The following ARHGEF26 variants were observed in gnomAD, a reference collection of about 807,000 sequenced individuals.
ARHGEF26 encodes Rho guanine nucleotide exchange factor (GEF) 26.
Under a neutral mutation model 89.4 loss-of-function variants are expected in ARHGEF26, and 59 were observed. The observed-to-expected ratio is 0.66, with a 90% CI of 0.54 to 0.82. ARHGEF26 has a LOEUF of 0.82. ARHGEF26 is among the 40% of genes least tolerant of loss of function. The pLI is 0.00. For missense variants in ARHGEF26, 1,234 were observed against 1,085.6 expected (o/e 1.14, Z -1.92); for synonymous variants, 500 against 428.4 (o/e 1.17, Z -2.06).
rs772560852 is a variant in ARHGEF26, at chr3:154,124,409, GAAA to G, written c.1088_1090del (p.Lys363del). 50 of 1,089,534 alleles carry G rather than the reference GAAA, an allele frequency of 4.6e-5. No homozygotes were observed. Among genetic ancestry groups the G allele is most frequent in the Non-Finnish European group, 5.9e-5 (49 of 833,784 alleles). 67.5% of individuals were successfully genotyped at this position (1,089,534 alleles called of 1,614,324 possible). A position where few individuals can be genotyped will look rare whatever the true frequency, so the allele number is the denominator to read the frequency against. Reference sequence around the variant, plus strand: ...TTTTTTTACTTTTTTTTGTCTCTTAGAAAAAAATGCTGAAAGGACAAGGAACAT... The same window carrying G: ...TTTTTTTACTTTTTTTTGTCTCTTAGAAAATGCTGAAAGGACAAGGAACAT... On this transcript the variant is annotated inframe_deletion and splice_region_variant, in exon 3 of 15. Coordinates refer to ENST00000465093, the MANE Select transcript of ARHGEF26 (RefSeq NM_015595.4).
At chr3:154,197,705 C>T (rs1376358859) in intron 9 of ARHGEF26, among the ~76,000 whole-genome samples, 1 of 152,098 alleles carries the variant, frequency 6.6e-6, no homozygotes, top group Non-Finnish European at 1.5e-5. Flanking sequence ...GACTTACTGA[C>T]CTAATCAAAC....
intron 12 of ARHGEF26, among the ~76,000 whole-genome samples, chr3:154,241,852 C>G (rs1421473255): frequency 6.6e-6 from 1 of 152,170 alleles, no homozygotes. Context: ...AATAATGAAT[C>G]TTATCAGATA....
chr3:154,134,939 A>G (rs374447951), intron 4 of ARHGEF26, among the ~76,000 whole-genome samples: 18 of 152,146 alleles, frequency 1.2e-4, no homozygotes, highest in African/African-American at 4.3e-4. Context: ...CTAGTTGATC[A>G]TGGTGGATAA....
At chr3:154,245,936 A>AAGGGTG (rs1717777475) in intron 12 of ARHGEF26, among the ~76,000 whole-genome samples, 2 of 152,302 alleles carry the variant, frequency 1.3e-5, no homozygotes, top group Non-Finnish European at 2.9e-5. Context: ...TGCTCTTAGG[A>AAGGGTG]AGGGTGACTT....
intron 4 of ARHGEF26, among the ~76,000 whole-genome samples, chr3:154,143,925 G>C (rs1285405074): frequency 6.6e-6 from 1 of 152,204 alleles, no homozygotes; most frequent in Admixed American, 6.5e-5. Context: ...TTGGGGGATA[G>C]AGAATACATA....
intron 11 of ARHGEF26, among the ~76,000 whole-genome samples, chr3:154,237,299 C>T (rs1717174618): frequency 6.6e-6 from 1 of 152,064 alleles, no homozygotes; most frequent in Admixed American, 6.5e-5. Context: ...GGCCTGTAAT[C>T]CCAGCACTTT....
intron 11 of ARHGEF26, among the ~76,000 whole-genome samples, chr3:154,228,176 G>T (rs1243692720): frequency 6.9e-6 from 1 of 145,226 alleles, no homozygotes; most frequent in Non-Finnish European, 1.5e-5. Flanking sequence ...TGCTGTTGTT[G>T]CCCAGGCTGG....
In ARHGEF26 at chr3:154,193,842, G is replaced by GTTTTTTTTTTT. The variant is rs149514592; in HGVS notation, c.1771-793_1771-792insTTTTTTTTTTT. 7.4e-3 allele frequency among the ~76,000 whole-genome samples: 1,113 copies of GTTTTTTTTTTT among 149,792 alleles called. 8 individuals carry two copies. Among genetic ancestry groups the GTTTTTTTTTTT allele is most frequent in the African/African-American group, 0.026 (1,054 of 40,390 alleles). On this transcript the variant is annotated intron_variant, in intron 8 of 14. Coordinates refer to ENST00000465093, the MANE Select transcript of ARHGEF26 (RefSeq NM_015595.4). Reference sequence around the variant, plus strand: ...TTTTTTCCTTTGCTGGTTTTTTTGGGTTTTTTTTTGACTGTTTTTTCTTTG... The same window carrying GTTTTTTTTTTT: ...TTTTTTCCTTTGCTGGTTTTTTTGGGTTTTTTTTTTTTTTTTTTTTGACTGTTTTTTCTTTG...
chr3:154,249,508 C>G (rs1179787348), intron 12 of ARHGEF26, among the ~76,000 whole-genome samples: 1 of 152,138 alleles, frequency 6.6e-6, no homozygotes, highest in South Asian at 2.1e-4. Context: ...TCAATTTAGT[C>G]GTCTTTCTCT....
chr3:154,149,104 AC>A (rs1200265147), intron 4 of ARHGEF26, among the ~76,000 whole-genome samples: 2 of 151,988 alleles, frequency 1.3e-5, no homozygotes, highest in African/African-American at 4.8e-5. Flanking sequence ...CTCAATTGTT[AC>A]CCCCATCTGT....
intron 4 of ARHGEF26, among the ~76,000 whole-genome samples, chr3:154,133,332 G>A (rs1207165537): frequency 6.6e-6 from 1 of 152,004 alleles, no homozygotes; most frequent in African/African-American, 2.4e-5. Flanking sequence ...TTGTCATTTA[G>A]GAATAAAGGA....
chr3:154,155,460 T>C (rs1242338124), intron 6 of ARHGEF26, among the ~76,000 whole-genome samples: 1 of 152,038 alleles, frequency 6.6e-6, no homozygotes, highest in Non-Finnish European at 1.5e-5. Context: ...ATTAGCATTT[T>C]TTTTTCTGCT....
chr3:154,176,361 C>CT (rs5853685), intron 6 of ARHGEF26, among the ~76,000 whole-genome samples: 1,766 of 151,998 alleles, frequency 0.012, 29 homozygotes, highest in African/African-American at 0.04. Flanking sequence ...TTAAGATAAA[C>CT]TTTTTTTTGG....
intron 12 of ARHGEF26, among the ~76,000 whole-genome samples, chr3:154,251,159 C>T (rs1056605626): frequency 6.6e-6 from 1 of 152,156 alleles, no homozygotes; most frequent in Non-Finnish European, 1.5e-5. Context: ...ACACCTGCTG[C>T]GTAACACCAC....
intron 6 of ARHGEF26, among the ~76,000 whole-genome samples, chr3:154,183,330 T>G (rs1713299037): frequency 6.6e-6 from 1 of 152,220 alleles, no homozygotes; most frequent in Non-Finnish European, 1.5e-5. Flanking sequence ...GTAACATGAT[T>G]GGTTATAAAA....
intron 4 of ARHGEF26, among the ~76,000 whole-genome samples, chr3:154,137,407 G>A (rs1348444915): frequency 1.3e-5 from 2 of 152,118 alleles, no homozygotes; most frequent in African/African-American, 4.8e-5. Context: ...GAACTTCTTA[G>A]CCTCTATAAC....
chr3:154,247,220 T>C (rs1328284443), intron 12 of ARHGEF26, among the ~76,000 whole-genome samples: 1 of 152,190 alleles, frequency 6.6e-6, no homozygotes, highest in African/African-American at 2.4e-5. Context: ...AAATGCAGCC[T>C]GTCCAAAACC....
intron 4 of ARHGEF26, among the ~76,000 whole-genome samples, chr3:154,133,272 A>G (rs16846895): frequency 0.22 from 33,607 of 152,030 alleles, 4,850 homozygotes; most frequent in East Asian, 0.48. Flanking sequence ...AGCTATACAG[A>G]TGACAGGTGG....
intron 9 of ARHGEF26, among the ~76,000 whole-genome samples, chr3:154,209,025 C>A (rs1390108481): frequency 6.6e-6 from 1 of 152,022 alleles, no homozygotes; most frequent in Non-Finnish European, 1.5e-5. Context: ...CCTCGGTCTC[C>A]CAAAATGCTG....
Sources: gnomAD v4.1 joint callset for allele counts (sites outside exome capture counted in the v4.1 genomes callset) on GRCh38, gnomAD v4.1.1 for gene constraint, MANE v1.5 for transcripts, NCBI Gene and HGNC (gene_info 2026-07-23, HGNC 2026-07-21) for gene names.